PCDHGA8: variants seen among roughly 807,000 people sequenced by gnomAD.
The protein encoded by PCDHGA8 is protocadherin gamma subfamily A, 8, also known as protocadherin gamma-A8.
Under a neutral mutation model 59.2 loss-of-function variants are expected in PCDHGA8, and 45 were observed. The ratio of observed to expected loss-of-function variants is 0.76; its 90% CI spans 0.60 to 0.98. PCDHGA8 has a LOEUF of 0.98. PCDHGA8 is among the 50% of genes least tolerant of loss of function. The pLI is 0.00. For missense variants in PCDHGA8, 1,257 were observed against 1,196.2 expected, an observed-to-expected ratio of 1.05 and a Z score of -0.75; for synonymous variants, 531 against 519.0, an observed-to-expected ratio of 1.02 and a Z score of -0.32.
chr5:141,480,970 A>C (rs1189003084), intron 1 of PCDHGA8, among the ~76,000 whole-genome samples: 1 of 152,120 alleles, frequency 6.6e-6, no homozygotes, highest in Non-Finnish European at 1.5e-5. Flanking sequence ...AGTGAGGGAG[A>C]ATCAGTGAAC....
In PCDHGA8 at chr5:141,413,451, C is replaced by T. The variant is rs1561742650; in HGVS notation, c.2424+18214C>T. 6.2e-6 allele frequency: 10 copies of T among 1,614,118 alleles called. No homozygotes were observed. The South Asian group carries it at 1.1e-4, about 18-fold the overall frequency. ...GCAGCGGCAGCTTGATCACCGCGGGCAGGATAGACCGGGAGGAGCTCTGCG... is the reference window on the plus strand; with the variant it reads ...GCAGCGGCAGCTTGATCACCGCGGGTAGGATAGACCGGGAGGAGCTCTGCG... On this transcript the variant is annotated intron_variant, in intron 1 of 3. Transcript: ENST00000398604.
chr5:141,398,812 C>A, intron 1 of PCDHGA8: 1 of 1,613,942 alleles, frequency 6.2e-7, no homozygotes, highest in South Asian at 1.1e-5. Context: ...CACTGAGCTC[C>A]GGATCCAGGT....
chr5:141,410,399 G>A, intron 1 of PCDHGA8: 1 of 1,614,044 alleles, frequency 6.2e-7, no homozygotes. Flanking sequence ...TGGTCTCTGT[G>A]TCAAGTCTGG....
rs2099411055 is a variant in PCDHGA8, at chr5:141,477,429, C to T, written c.2425-17378C>T. 6.2e-7 allele frequency: 1 copy of T among 1,614,218 alleles called. No individual in the cohort carries two copies. Among genetic ancestry groups the T allele is most frequent in the South Asian group, 1.1e-5 (1 of 91,082 alleles). ...CGAGACGCCGGAACCCCTTCCCTCT[C>T]AGCCCTTACAATAGTGCGTGTTCAA... On this transcript the variant is annotated intron_variant, in intron 1 of 3. Coordinates refer to ENST00000398604, the MANE Select transcript of PCDHGA8 (RefSeq NM_032088.2). The surrounding 1 kb of genome is among the most constrained non-coding windows in gnomAD (Gnocchi z 4.9).
rs761731200 is a variant in PCDHGA8, at chr5:141,477,252, T to C, written c.2425-17555T>C. The C allele has an allele frequency of 1.2e-6, 2 of 1,614,182 alleles. No homozygotes were observed. The highest frequency in any genetic ancestry group is 8.5e-7 in the Non-Finnish European group (1 of 1,180,034). ...ATCGCTTTGCTCAGTGTGACTGACCTGGATGCTGGCGAGAACGGGCTGGTG... is the reference window on the plus strand; with the variant it reads ...ATCGCTTTGCTCAGTGTGACTGACCCGGATGCTGGCGAGAACGGGCTGGTG... On this transcript the variant is annotated intron_variant, in intron 1 of 3. Transcript: ENST00000398604. The surrounding 1 kb of genome is among the most constrained non-coding windows in gnomAD (Gnocchi z 4.9).
chr5:141,413,599 C>G, intron 1 of PCDHGA8: 2 of 1,613,830 alleles, frequency 1.2e-6, no homozygotes, highest in East Asian at 2.2e-5. Flanking sequence ...AGCAGAAAAT[C>G]TAGACGTAAA....
At position 141,394,332 on chromosome 5, in the gene PCDHGA8, A is replaced by T. The variant is rs1270394666; in HGVS notation, c.1519A>T (p.Ile507Phe). The T allele has an allele frequency of 1.9e-6, 3 of 1,614,010 alleles. No homozygotes were observed. The highest frequency in any genetic ancestry group is 2.5e-6 in the Non-Finnish European group (3 of 1,179,940). Residue 507 changes from isoleucine (I) to phenylalanine (F), a missense_variant, in exon 1 of 4, where the codon ATC becomes TTC. Transcript: ENST00000398604. The part of the protein sequence containing the change: ...QGAPLSSYIS[I>F]NSDTGVLYAL... ...GGCGCCCCTGTCCTCGTATATCTCC[A>T]TCAACTCTGACACCGGTGTCCTGTA...
At chr5:141,449,737 A>T (rs1174103155) in intron 1 of PCDHGA8, among the ~76,000 whole-genome samples, 3 of 151,666 alleles carry the variant, frequency 2.0e-5, no homozygotes, top group Non-Finnish European at 4.4e-5. Flanking sequence ...TTTTTATGAC[A>T]TGATTATTTT....
intron 1 of PCDHGA8, chr5:141,405,167 C>T (rs926303279): frequency 7.4e-6 from 12 of 1,614,002 alleles, no homozygotes; most frequent in African/African-American, 1.3e-5. Flanking sequence ...GCCCACCTCA[C>T]ACTTTGTGGG....
intron 1 of PCDHGA8, among the ~76,000 whole-genome samples, chr5:141,471,120 C>T (rs560582806): frequency 6.7e-6 from 1 of 149,470 alleles, no homozygotes; most frequent in South Asian, 2.1e-4. Context: ...GCGATCTTAC[C>T]TTCACTGCAA....
Position 141,490,365 on chromosome 5 carries a change from A to G in PCDHGA8, c.2425-4442A>G. The G allele has an allele frequency of 6.2e-7, 1 of 1,614,170 alleles. No individual in the cohort carries two copies. The highest frequency in any genetic ancestry group is 8.5e-7 in the Non-Finnish European group (1 of 1,180,030). On this transcript the variant is annotated intron_variant, in intron 1 of 3. Coordinates refer to ENST00000398604, the MANE Select transcript of PCDHGA8 (RefSeq NM_032088.2). The surrounding 1 kb of genome is among the most constrained non-coding windows in gnomAD (Gnocchi z 5.4). ...CAGTAGTGGGGTTGTTTAATGTGCG[A>G]GACCGGGACTCAGGTAGAAATGGTG...
intron 1 of PCDHGA8, chr5:141,415,646 A>G: frequency 6.2e-7 from 1 of 1,600,190 alleles, no homozygotes; most frequent in South Asian, 1.1e-5. Context: ...TTTGTTAAAA[A>G]AAAAAAGATT....
intron 1 of PCDHGA8, chr5:141,413,704 A>C (rs749988351): frequency 6.2e-7 from 1 of 1,613,616 alleles, no homozygotes; most frequent in South Asian, 1.1e-5. Flanking sequence ...CTATCAGCTC[A>C]GCCCCAATAA....
chr5:141,491,148 G>A lies in PCDHGA8; in HGVS notation c.2425-3659G>A. The A allele has an allele frequency of 6.8e-6, 11 of 1,614,140 alleles. No homozygotes were observed. The highest frequency in any genetic ancestry group is 9.3e-6 in the Non-Finnish European group (11 of 1,179,990). The stretch of plus-strand genomic sequence containing the variant: ...TGCGCACAGCCCGGGCCTTACTGGA[G>A]GATGACTCTGACACCCAGCAGGTGG... On this transcript the variant is annotated intron_variant, in intron 1 of 3. Transcript: ENST00000398604. The surrounding 1 kb of genome is among the most constrained non-coding windows in gnomAD (Gnocchi z 6.9).
At chr5:141,481,813 G>C (rs185558948) in intron 1 of PCDHGA8, among the ~76,000 whole-genome samples, 1 of 151,824 alleles carries the variant, frequency 6.6e-6, no homozygotes, top group African/African-American at 2.4e-5. Flanking sequence ...TTCACCAGGC[G>C]TGGTGGCTGA....
intron 2 of PCDHGA8, among the ~76,000 whole-genome samples, chr5:141,500,176 A>G (rs922155744): frequency 1.4e-5 from 2 of 145,916 alleles, no homozygotes; most frequent in Admixed American, 1.4e-4. Flanking sequence ...CATGAGCTTC[A>G]TTTTTATTTT....
intron 1 of PCDHGA8, among the ~76,000 whole-genome samples, chr5:141,473,698 T>A (rs2099327181): frequency 6.6e-6 from 1 of 152,166 alleles, no homozygotes; most frequent in Non-Finnish European, 1.5e-5. Context: ...CTGACCACCC[T>A]CCAAGTGGTG....
At chr5:141,472,980 C>CAAAAAAAA (rs60579131) in intron 1 of PCDHGA8, among the ~76,000 whole-genome samples, 7 of 86,098 alleles carry the variant, frequency 8.1e-5, no homozygotes, top group Admixed American at 1.2e-4. Context: ...GAGTGAAACT[C>CAAAAAAAA]AAAAAAAAAA....
In PCDHGA8 at chr5:141,422,062, A is replaced by G. The variant is rs776838280; in HGVS notation, c.2424+26825A>G. The G allele has an allele frequency of 1.2e-6, 2 of 1,612,022 alleles. No individual in the cohort carries two copies. The highest frequency in any genetic ancestry group is 2.7e-5 in the African/African-American group (2 of 74,802). ...AGACGAGGGAATCAACGGGGAAGTAATGTATTCATTTCGGAACATGGAAAG... is the reference window on the plus strand; with the variant it reads ...AGACGAGGGAATCAACGGGGAAGTAGTGTATTCATTTCGGAACATGGAAAG... On this transcript the variant is annotated intron_variant, in intron 1 of 3. Transcript: ENST00000398604.
Sources: gnomAD v4.1 joint callset for allele counts (sites outside exome capture counted in the v4.1 genomes callset) on GRCh38, gnomAD v4.1.1 for gene constraint, Gnocchi (gnomAD v3.1) non-coding constraint, MANE v1.5 for transcripts, NCBI Gene and HGNC (gene_info 2026-07-23, HGNC 2026-07-21) for gene names.